The following LRP1B variants were observed in gnomAD, a reference collection of about 807,000 sequenced individuals.
LRP1B encodes the protein LDL receptor related protein 1B.
Under a neutral mutation model 556.6 loss-of-function variants are expected in LRP1B, and 217 were observed. The observed-to-expected ratio is 0.39, with a 90% CI of 0.35 to 0.44. LRP1B has a LOEUF of 0.44. Among genes scored for constraint, LRP1B ranks in the 20% least tolerant of loss-of-function variants. LRP1B has a pLI of 1.00. For missense variants in LRP1B, 5,053 were observed against 5,620.8 expected (o/e 0.90, Z 3.23); for synonymous variants, 2,047 against 1,865.8 (o/e 1.10, Z -2.50).
chr2:141,787,582 C>T (rs1695466185), intron 2 of LRP1B, among the ~76,000 whole-genome samples: 2 of 151,240 alleles, frequency 1.3e-5, no homozygotes, highest in South Asian at 2.1e-4. Flanking sequence ...GATCAAAGGT[C>T]GAGGAAGGAG....
intron 7 of LRP1B, among the ~76,000 whole-genome samples, chr2:141,096,692 A>AGAGAGAGAGAGAG (rs1700331719): frequency 1.2e-5 from 1 of 84,192 alleles, no homozygotes; most frequent in African/African-American, 4.5e-5. Context: ...GAGAGAGAGA[A>AGAGAGAGAGAGAG]AATAAATAAA....
At chr2:140,388,177 T>C (rs1430803806) in intron 66 of LRP1B, among the ~76,000 whole-genome samples, 1 of 152,182 alleles carries the variant, frequency 6.6e-6, no homozygotes, top group Non-Finnish European at 1.5e-5. Context: ...CCTCAGGTGA[T>C]CCGCCAGTCT....
At chr2:141,056,414 C>T (rs929330639) in intron 9 of LRP1B, among the ~76,000 whole-genome samples, 4 of 151,834 alleles carry the variant, frequency 2.6e-5, no homozygotes. Context: ...CTTCAACTAG[C>T]TCTCCATTTC....
chr2:141,966,460 C>A (rs1002869363), intron 1 of LRP1B, among the ~76,000 whole-genome samples: 1 of 151,866 alleles, frequency 6.6e-6, no homozygotes, highest in African/African-American at 2.4e-5. Flanking sequence ...GAACAGAGAG[C>A]TAGGAGTTCC....
Position 141,923,403 on chromosome 2 carries a change from C to CTATATAGATATATA in LRP1B, c.83-113003_83-113002insTATATATCTATATA, listed in dbSNP as rs1553485446. 1.2e-4 allele frequency among the ~76,000 whole-genome samples: 12 copies of CTATATAGATATATA among 102,108 alleles called. 1 individual carries two copies. Among genetic ancestry groups the CTATATAGATATATA allele is most frequent in the Admixed American group, 1.2e-3 (11 of 9,516 alleles). 67.0% of individuals were successfully genotyped at this position (102,108 alleles called of 152,430 possible). ...ATTTTTAATGAAATTATCTCTGTCA[C>CTATATAGATATATA]TATATATATATATATATATAGTGAC... On this transcript the variant is annotated intron_variant, in intron 1 of 90. Coordinates refer to ENST00000389484, the MANE Select transcript of LRP1B (RefSeq NM_018557.3).
chr2:140,550,226 G>A (rs1176892037), intron 43 of LRP1B, among the ~76,000 whole-genome samples: 1 of 152,004 alleles, frequency 6.6e-6, no homozygotes, highest in Non-Finnish European at 1.5e-5. Context: ...TGAACTGGGG[G>A]GTTTCTTCAT....
chr2:140,322,581 T>A (rs1360195908), intron 81 of LRP1B, among the ~76,000 whole-genome samples: 2 of 152,096 alleles, frequency 1.3e-5, no homozygotes, highest in Non-Finnish European at 2.9e-5. Context: ...GTACAAGGTA[T>A]AAATGAAAAA....
intron 7 of LRP1B, among the ~76,000 whole-genome samples, chr2:141,122,573 T>C (rs1701087208): frequency 6.6e-6 from 1 of 152,222 alleles, no homozygotes; most frequent in South Asian, 2.1e-4. Flanking sequence ...CCAGTTAGAA[T>C]GGCGATCATT....
chr2:140,971,369 G>A (rs1696418255), intron 18 of LRP1B, among the ~76,000 whole-genome samples: 1 of 152,132 alleles, frequency 6.6e-6, no homozygotes, highest in Non-Finnish European at 1.5e-5. Context: ...AGAGCTTTTG[G>A]AGGAAGCCCT....
chr2:142,017,018 G>A (rs948785770), intron 1 of LRP1B, among the ~76,000 whole-genome samples: 10 of 151,522 alleles, frequency 6.6e-5, no homozygotes, highest in African/African-American at 1.2e-4. Context: ...GAAAGAGTAC[G>A]TGTGGATGTG....
rs188030606 is a variant in LRP1B at position 141,733,773 on chromosome 2, T to G, written c.205+76506A>C. On this transcript the variant is annotated intron_variant, in intron 2 of 90. Transcript: ENST00000389484. ...CTGCTAGAATTGGCCTTCCTTCTTT[T>G]CTGCCTGCCTAAAATCAAATCAGTG... Among the ~76,000 whole-genome samples, 381 of 152,268 alleles carry G rather than the reference T, an allele frequency of 2.5e-3. 3 individuals are homozygous for G. The highest frequency in any genetic ancestry group is 6.8e-3 in the Middle Eastern group (2 of 294).
intron 7 of LRP1B, among the ~76,000 whole-genome samples, chr2:141,143,518 G>T (rs1347586595): frequency 6.6e-6 from 1 of 152,052 alleles, no homozygotes; most frequent in African/African-American, 2.4e-5. Flanking sequence ...TATTGGAGTT[G>T]TATACTGCTA....
intron 60 of LRP1B, among the ~76,000 whole-genome samples, chr2:140,463,572 C>T: frequency 6.6e-6 from 1 of 152,134 alleles, no homozygotes; most frequent in Middle Eastern, 3.4e-3. Context: ...ATCAATTTTT[C>T]AAAACAAATA....
At chr2:140,508,862 C>T (rs1242316064) in intron 52 of LRP1B, among the ~76,000 whole-genome samples, 2 of 152,056 alleles carry the variant, frequency 1.3e-5, no homozygotes, top group South Asian at 2.1e-4. Context: ...CATACTGGGA[C>T]CATCTGGATC....
At chr2:140,748,260 T>C (rs1287077413) in intron 35 of LRP1B, among the ~76,000 whole-genome samples, 1 of 115,666 alleles carries the variant, frequency 8.6e-6, no homozygotes, top group Non-Finnish European at 1.8e-5. Context: ...TATATGTATA[T>C]ATTTTCATAT....
intron 7 of LRP1B, among the ~76,000 whole-genome samples, chr2:141,170,642 C>T (rs931213507): frequency 2.6e-5 from 4 of 152,058 alleles, no homozygotes; most frequent in African/African-American, 9.7e-5. Context: ...GGGGAGACTT[C>T]TTTCTTCTAT....
chr2:140,639,999 T>A (rs1027009092), intron 41 of LRP1B, among the ~76,000 whole-genome samples: 1 of 152,008 alleles, frequency 6.6e-6, no homozygotes, highest in African/African-American at 2.4e-5. Context: ...ACATTGTTTT[T>A]TGTTTGTTTG....
At chr2:141,436,584 CT>C (rs1276412987) in intron 3 of LRP1B, among the ~76,000 whole-genome samples, 2 of 3,238 alleles carry the variant, frequency 6.2e-4, no homozygotes, top group African/African-American at 1.2e-3. Context: ...TGTTTTCTCT[CT>C]TCTGTAAATC....
chr2:140,992,435 G>C (rs962354530), intron 16 of LRP1B: 5 of 152,046 alleles, frequency 3.3e-5, no homozygotes, highest in African/African-American at 1.2e-4. Flanking sequence ...TGGACCTAAG[G>C]AACCAATACA....
Sources: gnomAD v4.1 joint callset for allele counts (sites outside exome capture counted in the v4.1 genomes callset) on GRCh38, gnomAD v4.1.1 for gene constraint, MANE v1.5 for transcripts, NCBI Gene and HGNC (gene_info 2026-07-23, HGNC 2026-07-21) for gene names.